Variants in GLCCI1 observed in about 807,000 individuals in gnomAD.
The protein encoded by GLCCI1 is glucocorticoid-induced transcript 1 protein.
Under a neutral mutation model 52.2 loss-of-function variants are expected in GLCCI1, and 24 were observed. The ratio of observed to expected loss-of-function variants is 0.46; its 90% CI spans 0.33 to 0.65. The LOEUF is 0.65. Among genes scored for constraint, GLCCI1 ranks in the 30% least tolerant of loss-of-function variants. The pLI is 0.02. For missense variants in GLCCI1, 704 were observed against 701.5 expected (o/e 1.00, Z -0.04); for synonymous variants, 310 against 276.5 (o/e 1.12, Z -1.20).
At chr7:8,036,890 T>C (rs541210213) in intron 3 of GLCCI1, among the ~76,000 whole-genome samples, 2 of 152,256 alleles carry the variant, frequency 1.3e-5, no homozygotes, top group East Asian at 1.9e-4. Context: ...TTGAGAAGTA[T>C]GAGATTATGT....
chr7:8,055,140 AG>A (rs2127958907), intron 3 of GLCCI1, among the ~76,000 whole-genome samples: 1 of 152,328 alleles, frequency 6.6e-6, no homozygotes, highest in African/African-American at 2.4e-5. Context: ...GTTTTCAAAA[AG>A]GATATTTCTG....
intron 3 of GLCCI1, among the ~76,000 whole-genome samples, chr7:8,048,169 C>G (rs1782176976): frequency 1.3e-5 from 2 of 152,276 alleles, no homozygotes; most frequent in South Asian, 4.1e-4. Flanking sequence ...TTGACTTTCT[C>G]TTACATTTTC....
At chr7:8,012,964 G>A (rs1196387457) in intron 2 of GLCCI1, among the ~76,000 whole-genome samples, 3 of 152,148 alleles carry the variant, frequency 2.0e-5, no homozygotes, top group Admixed American at 6.5e-5. Context: ...TAAGGTAAGA[G>A]TCCAACTTCG....
intron 5 of GLCCI1, among the ~76,000 whole-genome samples, chr7:8,066,204 C>A (rs1276300250): frequency 6.6e-6 from 1 of 152,072 alleles, no homozygotes; most frequent in East Asian, 1.9e-4. Context: ...TCATAGTAGT[C>A]TCTGAGGGTT....
intron 6 of GLCCI1, among the ~76,000 whole-genome samples, chr7:8,082,019 G>A (rs1309591485): frequency 2.6e-5 from 4 of 152,122 alleles, no homozygotes; most frequent in Non-Finnish European, 4.4e-5. Flanking sequence ...ATTATTCTCC[G>A]GAATACCAGA....
Position 8,056,005 on chromosome 7 carries a change from A to C in GLCCI1, c.813+456A>C, listed in dbSNP as rs532295213. ...GAGACTCCGTCTCAAAAAAAAAAAA[A>C]AACAAAAACCAGCCAGGGGCAGTGG... On this transcript the variant is annotated intron_variant, in intron 4 of 7. Coordinates refer to ENST00000223145, the MANE Select transcript of GLCCI1 (RefSeq NM_138426.4). 4.7e-5 allele frequency among the ~76,000 whole-genome samples: 7 copies of C among 148,460 alleles called. No individual in the cohort carries two copies. In the South Asian group the frequency reaches 1.5e-3, roughly 32 times the overall value.
At chr7:7,999,747 T>A (rs575631742) in intron 1 of GLCCI1, among the ~76,000 whole-genome samples, 3 of 151,946 alleles carry the variant, frequency 2.0e-5, no homozygotes, top group Non-Finnish European at 4.4e-5. Context: ...TCTATAAATT[T>A]AAAAAATTAG....
intron 2 of GLCCI1, among the ~76,000 whole-genome samples, chr7:8,012,368 A>C (rs1361006691): frequency 6.6e-6 from 1 of 151,046 alleles, no homozygotes; most frequent in Non-Finnish European, 1.5e-5. Context: ...TACTGGATAT[A>C]AATCTCTTAT....
At chr7:8,037,589 AG>A (rs1421456614) in intron 3 of GLCCI1, among the ~76,000 whole-genome samples, 1 of 152,220 alleles carries the variant, frequency 6.6e-6, no homozygotes, top group Non-Finnish European at 1.5e-5. Flanking sequence ...TCCACTTAAA[AG>A]ATACAGCTTG....
chr7:7,985,571 C>A (rs1363819445), intron 1 of GLCCI1, among the ~76,000 whole-genome samples: 2 of 152,092 alleles, frequency 1.3e-5, no homozygotes, highest in Non-Finnish European at 2.9e-5. Flanking sequence ...CCCAACTAGA[C>A]ATATTCCTGA....
intron 3 of GLCCI1, among the ~76,000 whole-genome samples, chr7:8,032,032 A>T (rs2127951886): frequency 6.6e-6 from 1 of 152,194 alleles, no homozygotes; most frequent in South Asian, 2.1e-4. Context: ...CCAATTAGAG[A>T]ATCAGCAAGG....
intron 5 of GLCCI1, among the ~76,000 whole-genome samples, chr7:8,062,861 G>A (rs952558359): frequency 1.3e-5 from 2 of 152,104 alleles, no homozygotes; most frequent in African/African-American, 4.8e-5. Context: ...TCTTTATCCA[G>A]TCTACCACTG....
At chr7:8,052,974 A>G (rs73244303) in intron 3 of GLCCI1, among the ~76,000 whole-genome samples, 5,127 of 151,944 alleles carry the variant, frequency 0.034, 275 homozygotes, top group African/African-American at 0.11. Flanking sequence ...GTGCACAACC[A>G]GTCTTTTGAG....
At chr7:8,039,653 G>A (rs1485936541) in intron 3 of GLCCI1, among the ~76,000 whole-genome samples, 2 of 152,076 alleles carry the variant, frequency 1.3e-5, no homozygotes. Flanking sequence ...TGGGGTGAGG[G>A]ATGAAAAATT....
At chr7:7,974,349 G>C (rs1430322218) in intron 1 of GLCCI1, among the ~76,000 whole-genome samples, 1 of 152,128 alleles carries the variant, frequency 6.6e-6, no homozygotes, top group African/African-American at 2.4e-5. Flanking sequence ...TGAATACCTA[G>C]CATGTGTAAA....
intron 1 of GLCCI1, among the ~76,000 whole-genome samples, chr7:7,995,939 AT>A (rs1373509841): frequency 3.2e-4 from 49 of 152,316 alleles, no homozygotes; most frequent in African/African-American, 1.1e-3. Flanking sequence ...ATTAAAAAAA[AT>A]AAAAATGAAA....
chr7:7,983,419 T>G (rs2115409861), intron 1 of GLCCI1, among the ~76,000 whole-genome samples: 1 of 152,322 alleles, frequency 6.6e-6, no homozygotes, highest in South Asian at 2.1e-4. Flanking sequence ...TATTCCATAG[T>G]TAATGTAGTG....
intron 3 of GLCCI1, among the ~76,000 whole-genome samples, chr7:8,048,259 T>C (rs560044911): frequency 1.3e-5 from 2 of 152,182 alleles, no homozygotes; most frequent in East Asian, 3.9e-4. Context: ...TACTCTCTCT[T>C]AGCCTCTAAA....
At chr7:7,978,126 C>T (rs1301442028) in intron 1 of GLCCI1, among the ~76,000 whole-genome samples, 1 of 152,168 alleles carries the variant, frequency 6.6e-6, no homozygotes, top group African/African-American at 2.4e-5. Flanking sequence ...TGGGCCTTCC[C>T]TTTGGTCCCT....
Sources: allele counts gnomAD v4.1 joint callset (sites outside exome capture counted in the v4.1 genomes callset), GRCh38; gene constraint gnomAD v4.1.1; transcripts MANE v1.5; gene names NCBI Gene and HGNC (gene_info 2026-07-23, HGNC 2026-07-21).